The following SLAMF9 variants were observed in gnomAD, a reference collection of about 807,000 sequenced individuals.
SLAMF9 encodes the protein CD2 family member 10.
In SLAMF9, 25 loss-of-function variants were observed where a neutral mutation model predicts 30.4. The observed-to-expected ratio is 0.82, with a 90% CI of 0.60 to 1.15. The LOEUF (loss-of-function observed/expected upper bound fraction) is 1.15. Ranked by LOEUF, SLAMF9 falls within the 50% of genes most tolerant of loss-of-function variation. The pLI, the probability that SLAMF9 is intolerant of heterozygous loss-of-function variation, is 0.00. For synonymous variants in SLAMF9, 129 were observed against 127.2 expected, an observed-to-expected ratio of 1.01 and a Z score of -0.09; for missense variants, 344 against 346.1, an observed-to-expected ratio of 0.99 and a Z score of 0.05.
At chr1:159,956,347 G>A (rs191581126), upstream of SLAMF9, among the ~76,000 whole-genome samples, 101 of 152,240 alleles carry the variant, frequency 6.6e-4, 3 homozygotes, top group Non-Finnish European at 2.4e-4. Flanking sequence ...ATGCATGCCT[G>A]TAATCCTTGC....
At chr1:159,973,989 T>G in the SLAMF9 span, 1 of 1,610,114 alleles carries the variant, frequency 6.2e-7, no homozygotes, top group Non-Finnish European at 8.5e-7. Context: ...TGGTGTATTC[T>G]TCCATCCCTG....
chr1:159,967,433 A>G, the SLAMF9 span, among the ~76,000 whole-genome samples: 1 of 152,166 alleles, frequency 6.6e-6, no homozygotes, highest in Non-Finnish European at 1.5e-5. Flanking sequence ...TCAATCAACT[A>G]TAAATGCATT....
At chr1:159,959,580 C>G in the SLAMF9 span, among the ~76,000 whole-genome samples, 2 of 152,122 alleles carry the variant, frequency 1.3e-5, no homozygotes, top group Non-Finnish European at 2.9e-5. Flanking sequence ...TTAACTCTCC[C>G]AGACCTGTCA....
chr1:159,967,281 C>T, the SLAMF9 span, among the ~76,000 whole-genome samples: 2 of 152,288 alleles, frequency 1.3e-5, no homozygotes, highest in African/African-American at 4.8e-5. Flanking sequence ...AATGCTATCC[C>T]TCCCTTGAGT....
the SLAMF9 span, among the ~76,000 whole-genome samples, chr1:159,962,582 G>A: frequency 1.3e-5 from 2 of 152,076 alleles, no homozygotes. Flanking sequence ...AGAACCAAGG[G>A]AAAGGAACTG....
upstream of SLAMF9, among the ~76,000 whole-genome samples, chr1:159,957,262 G>A (rs1440003888): frequency 6.6e-6 from 1 of 151,918 alleles, no homozygotes; most frequent in Non-Finnish European, 1.5e-5. Flanking sequence ...CAGATAGGAG[G>A]AATAAGTTCA....
At chr1:159,961,995 T>C in the SLAMF9 span, among the ~76,000 whole-genome samples, 2 of 151,798 alleles carry the variant, frequency 1.3e-5, no homozygotes, top group Non-Finnish European at 2.9e-5. Context: ...CCGTCTCTAC[T>C]AAGAATACAA....
upstream of SLAMF9, among the ~76,000 whole-genome samples, chr1:159,956,946 C>A (rs569950230): frequency 6.6e-5 from 10 of 150,628 alleles, no homozygotes; most frequent in African/African-American, 9.8e-5. Context: ...GGTGAAACCC[C>A]ATCTCTACTA....
chr1:159,981,085 G>A, the SLAMF9 span, among the ~76,000 whole-genome samples: 2 of 152,140 alleles, frequency 1.3e-5, no homozygotes, highest in African/African-American at 4.8e-5. Flanking sequence ...CTGCAGCCCT[G>A]ACCCCCGTAT....
chr1:159,982,717 C>T, the SLAMF9 span, among the ~76,000 whole-genome samples: 2 of 152,168 alleles, frequency 1.3e-5, no homozygotes, highest in Non-Finnish European at 2.9e-5. Context: ...CATATGCATA[C>T]ACACACATGT....
chr1:159,978,712 C>T, the SLAMF9 span: 1 of 152,274 alleles, frequency 6.6e-6, no homozygotes, highest in Non-Finnish European at 1.5e-5. Flanking sequence ...GACCCCAAGG[C>T]AAGGTGAACC....
the SLAMF9 span, among the ~76,000 whole-genome samples, chr1:159,968,541 G>A: frequency 6.6e-6 from 1 of 152,268 alleles, no homozygotes; most frequent in African/African-American, 2.4e-5. Context: ...TGGCACCCAT[G>A]GTACTCTTCT....
the SLAMF9 span, chr1:159,980,461 G>A: frequency 6.6e-6 from 1 of 152,198 alleles, no homozygotes; most frequent in Non-Finnish European, 1.5e-5. Context: ...ATGGGCAACA[G>A]AGATCCCTGA....
the SLAMF9 span, among the ~76,000 whole-genome samples, chr1:159,982,189 A>T: frequency 6.6e-6 from 1 of 152,246 alleles, no homozygotes; most frequent in African/African-American, 2.4e-5. Context: ...TCTTTCCAAG[A>T]TGTCTGTTTA....
chr1:159,973,981 G>A, the SLAMF9 span: 4 of 1,610,168 alleles, frequency 2.5e-6, no homozygotes, highest in South Asian at 1.1e-5. Flanking sequence ...TGAGACAGTG[G>A]TGTATTCTTC....
At chr1:159,960,030 T>A in the SLAMF9 span, among the ~76,000 whole-genome samples, 4 of 150,184 alleles carry the variant, frequency 2.7e-5, no homozygotes, top group East Asian at 1.9e-4. Context: ...ATATATATAT[T>A]ATACTTTAAG....
chr1:159,958,942 T>A (rs1198853339), upstream of SLAMF9, among the ~76,000 whole-genome samples: 1 of 152,254 alleles, frequency 6.6e-6, no homozygotes, highest in East Asian at 1.9e-4. Flanking sequence ...GAGTACTTCC[T>A]GTGCCATGTA....
rs573458236 is a variant in SLAMF9, at chr1:159,953,680, C to A, written c.47-27G>T. On this transcript the variant is annotated intron_variant, in intron 1 of 3. Coordinates refer to ENST00000368093, the MANE Select transcript of SLAMF9 (RefSeq NM_033438.4). ...TATGCAGGAAGAAAAGAGAAGCAAACAACCCAGCTGCTGTCTCTGGGCTGC... is the reference window on the plus strand; with the variant it reads ...TATGCAGGAAGAAAAGAGAAGCAAAAAACCCAGCTGCTGTCTCTGGGCTGC... 3.2e-5 allele frequency: 50 copies of A among 1,566,480 alleles called. No individual in the cohort carries two copies. The African/African-American group carries it at 5.8e-4, about 18-fold the overall frequency.
At chr1:159,958,840 A>T (rs1264952165), upstream of SLAMF9, among the ~76,000 whole-genome samples, 1 of 152,054 alleles carries the variant, frequency 6.6e-6, no homozygotes, top group African/African-American at 2.4e-5. Context: ...TGCCCTTTTA[A>T]TCTTATTCAG....
Sources: allele counts gnomAD v4.1 joint callset (sites outside exome capture counted in the v4.1 genomes callset), GRCh38; gene constraint gnomAD v4.1.1; transcripts MANE v1.5; gene names NCBI Gene and HGNC (gene_info 2026-07-23, HGNC 2026-07-21).